CDH18: variants seen among roughly 807,000 people sequenced by gnomAD.
CDH18 encodes the protein cadherin-18.
A neutral mutation model predicts 67.9 loss-of-function variants in CDH18; 31 were observed. The ratio of observed to expected loss-of-function variants is 0.46; its 90% CI spans 0.34 to 0.62. The LOEUF (loss-of-function observed/expected upper bound fraction) is 0.62, where lower values mean the gene tolerates loss of function less well. CDH18 is among the 20% of genes least tolerant of loss of function. The pLI is 0.01. For missense variants in CDH18, 890 were observed against 975.5 expected, an observed-to-expected ratio of 0.91 and a Z score of 1.17; for synonymous variants, 362 against 347.2, an observed-to-expected ratio of 1.04 and a Z score of -0.48.
rs531990053 is a variant in CDH18 at position 19,628,150 on chromosome 5, G to A, written c.644-15549C>T. ...TTCTTATGTAGTGACTAAGTCTCAC[G>A]AGATCTGATAGTTTTATAAGGGGTT... On this transcript the variant is annotated intron_variant, in intron 5 of 12. Transcript: ENST00000382275. Among the ~76,000 whole-genome samples the A allele has an allele frequency of 6.4e-4, 97 of 152,178 alleles. 4 individuals are homozygous for A. In the South Asian group the frequency reaches 0.017, roughly 27 times the overall value.
intron 2 of CDH18, among the ~76,000 whole-genome samples, chr5:20,230,472 A>T (rs896339430): frequency 2.0e-5 from 3 of 152,194 alleles, no homozygotes; most frequent in Non-Finnish European, 4.4e-5. Context: ...GCAGTTATTT[A>T]TTTCTATCTA....
At chr5:19,825,004 G>T (rs929944377) in intron 3 of CDH18, among the ~76,000 whole-genome samples, 4 of 152,146 alleles carry the variant, frequency 2.6e-5, no homozygotes. Flanking sequence ...TGACCTAGTG[G>T]TTTTACTTTT....
chr5:19,948,022 T>C (rs756457021), intron 2 of CDH18, among the ~76,000 whole-genome samples: 12 of 152,152 alleles, frequency 7.9e-5, no homozygotes, highest in Non-Finnish European at 1.6e-4. Context: ...TACGTAAGCA[T>C]TGAAGATGTT....
intron 5 of CDH18, among the ~76,000 whole-genome samples, chr5:19,648,272 T>G (rs767772850): frequency 2.0e-5 from 3 of 151,384 alleles, no homozygotes; most frequent in African/African-American, 4.9e-5. Context: ...AAACTTAGCC[T>G]GATGTGGTGG....
chr5:20,407,400 C>T (rs371427276), intron 1 of CDH18, among the ~76,000 whole-genome samples: 7 of 151,654 alleles, frequency 4.6e-5, no homozygotes, highest in Admixed American at 1.3e-4. Flanking sequence ...CCAGAATCTC[C>T]GGCTGGGTTG....
intron 2 of CDH18, among the ~76,000 whole-genome samples, chr5:20,039,037 C>A (rs1238901171): frequency 2.6e-5 from 4 of 152,014 alleles, no homozygotes; most frequent in Non-Finnish European, 5.9e-5. Flanking sequence ...ACAAGCATTC[C>A]TTTACACCAA....
At chr5:19,572,143 G>A (rs1741530938) in intron 7 of CDH18, among the ~76,000 whole-genome samples, 2 of 152,202 alleles carry the variant, frequency 1.3e-5, no homozygotes, top group South Asian at 4.1e-4. Context: ...TCAAGAGGAA[G>A]TGCTTTTTCA....
At chr5:19,655,852 C>CT (rs1756290340) in intron 5 of CDH18, among the ~76,000 whole-genome samples, 1 of 152,114 alleles carries the variant, frequency 6.6e-6, no homozygotes, top group Non-Finnish European at 1.5e-5. Flanking sequence ...CTCTAACAGG[C>CT]TGTCAGCAAT....
chr5:20,356,078 A>C (rs1741581940), intron 1 of CDH18, among the ~76,000 whole-genome samples: 1 of 152,138 alleles, frequency 6.6e-6, no homozygotes, highest in Non-Finnish European at 1.5e-5. Flanking sequence ...TTTAAAACCC[A>C]CTCTAAAATT....
intron 12 of CDH18, 114 bp downstream of exon 12, chr5:19,483,187 G>T (rs926469479): frequency 1.1e-6 from 1 of 924,982 alleles, no homozygotes; most frequent in Non-Finnish European, 1.6e-6. Context: ...ATAGGAAATT[G>T]GAGCAGCTGT....
At chr5:20,107,143 A>G (rs1395260030) in intron 2 of CDH18, among the ~76,000 whole-genome samples, 4 of 148,432 alleles carry the variant, frequency 2.7e-5, no homozygotes, top group Non-Finnish European at 5.9e-5. Flanking sequence ...TGCAGTGGCG[A>G]GATCTCCTCT....
At chr5:20,495,415 C>G (rs185443074) in intron 1 of CDH18, among the ~76,000 whole-genome samples, 1 of 151,876 alleles carries the variant, frequency 6.6e-6, no homozygotes, top group East Asian at 1.9e-4. Context: ...AAAGCAGTGC[C>G]CAGGTTAGGA....
chr5:20,328,155 ACT>A (rs1439015088), intron 1 of CDH18, among the ~76,000 whole-genome samples: 1 of 152,022 alleles, frequency 6.6e-6, no homozygotes, highest in Non-Finnish European at 1.5e-5. Context: ...TTAGGTTTTG[ACT>A]CTGTATGATG....
intron 2 of CDH18, among the ~76,000 whole-genome samples, chr5:20,015,749 G>T (rs191700914): frequency 6.6e-6 from 1 of 152,084 alleles, no homozygotes; most frequent in African/African-American, 2.4e-5. Flanking sequence ...CATGGCAGAT[G>T]ATGAGCTTGC....
intron 3 of CDH18, among the ~76,000 whole-genome samples, chr5:19,791,357 A>ACG (rs1776334931): frequency 1.9e-4 from 1 of 5,320 alleles, no homozygotes; most frequent in Admixed American, 6.9e-3. Context: ...CGACTTTTAA[A>ACG]CACACACACA....
intron 9 of CDH18, among the ~76,000 whole-genome samples, chr5:19,532,964 G>A (rs1394619627): frequency 1.3e-5 from 2 of 152,174 alleles, no homozygotes; most frequent in East Asian, 3.9e-4. Context: ...CCTGCAGCAT[G>A]TCGAGTTTGA....
At chr5:20,536,765 C>G (rs1475417800) in intron 1 of CDH18, among the ~76,000 whole-genome samples, 1 of 152,072 alleles carries the variant, frequency 6.6e-6, no homozygotes, top group East Asian at 1.9e-4. Context: ...TCAGAAAACC[C>G]AAGGAGGAGG....
At chr5:19,918,527 T>C (rs1792076627) in intron 2 of CDH18, among the ~76,000 whole-genome samples, 1 of 152,204 alleles carries the variant, frequency 6.6e-6, no homozygotes, top group Non-Finnish European at 1.5e-5. Context: ...TTGTAATATT[T>C]TAAGATCCAT....
At chr5:19,993,860 G>A (rs766548590) in intron 2 of CDH18, among the ~76,000 whole-genome samples, 2 of 151,856 alleles carry the variant, frequency 1.3e-5, no homozygotes, top group Non-Finnish European at 2.9e-5. Flanking sequence ...GAAGATATTC[G>A]GCTCATATAT....
Sources: gnomAD v4.1 joint callset for allele counts (sites outside exome capture counted in the v4.1 genomes callset) on GRCh38, gnomAD v4.1.1 for gene constraint, MANE v1.5 for transcripts, NCBI Gene and HGNC (gene_info 2026-07-23, HGNC 2026-07-21) for gene names.